CLDN10: variants seen among roughly 807,000 people sequenced by gnomAD.
CLDN10 encodes claudin 10.
Under a neutral mutation model 22.9 loss-of-function variants are expected in CLDN10, and 15 were observed. The ratio of observed to expected loss-of-function variants is 0.65; its 90% confidence interval spans 0.44 to 1.01. The LOEUF (loss-of-function observed/expected upper bound fraction) is 1.01, where lower values mean the gene tolerates loss of function less well. Among genes scored for constraint, CLDN10 ranks in the 50% least tolerant of loss-of-function variants. The pLI is 0.00. For missense variants in CLDN10, 247 were observed against 287.8 expected, an observed-to-expected ratio of 0.86 and a Z score of 1.03; for synonymous variants, 114 against 111.4, an observed-to-expected ratio of 1.02 and a Z score of -0.15.
In CLDN10 at chr13:95,560,311, T is replaced by A; in HGVS notation, c.382+18T>A. The A allele has an allele frequency of 1.2e-6, 2 of 1,613,856 alleles. No individual in the cohort carries two copies. Among genetic ancestry groups the A allele is most frequent in the Non-Finnish European group, 1.7e-6 (2 of 1,179,740 alleles). ...ACTGTCAGGTAAATAGTAACTTTCT[T>A]CCAAACAAGGTACTTGATGATGTTA... is the stretch of plus-strand genomic sequence containing the variant. On this transcript the variant is annotated intron_variant, in intron 2 of 4. Transcript: ENST00000299339.
At chr13:95,532,294 T>C (rs1447483105) in intron 1 of CLDN10, among the ~76,000 whole-genome samples, 1 of 152,070 alleles carries the variant, frequency 6.6e-6, no homozygotes, top group Non-Finnish European at 1.5e-5. Context: ...AAACAGCTCT[T>C]ACAAAAACAA....
chr13:95,505,749 C>CTTTTTTTTTTTT (rs34828390), intron 1 of CLDN10, among the ~76,000 whole-genome samples: 2 of 103,738 alleles, frequency 1.9e-5, no homozygotes, highest in Admixed American at 2.3e-4. Flanking sequence ...CCTTCCCTTT[C>CTTTTTTTTTTTT]TTTTTTTTTT....
chr13:95,534,617 A>G (rs2043380861), intron 1 of CLDN10, among the ~76,000 whole-genome samples: 1 of 152,192 alleles, frequency 6.6e-6, no homozygotes, highest in Admixed American at 6.5e-5. Flanking sequence ...ATTCACAGTG[A>G]TAGTTATAAT....
At chr13:95,573,901 T>C (rs2043892412) in intron 3 of CLDN10, among the ~76,000 whole-genome samples, 2 of 143,162 alleles carry the variant, frequency 1.4e-5, no homozygotes, top group African/African-American at 5.1e-5. Context: ...CCCCCGTGTG[T>C]GATGTTCCCC....
At chr13:95,523,403 C>T (rs1248607117) in intron 1 of CLDN10, among the ~76,000 whole-genome samples, 3 of 152,270 alleles carry the variant, frequency 2.0e-5, no homozygotes, top group Middle Eastern at 3.4e-3. Context: ...GTTACTGTTG[C>T]TTAATGTTAT....
intron 1 of CLDN10, among the ~76,000 whole-genome samples, chr13:95,489,992 T>C (rs2042853598): frequency 6.6e-6 from 1 of 152,232 alleles, no homozygotes; most frequent in Non-Finnish European, 1.5e-5. Context: ...CCCCAGTTTA[T>C]GATTTTGTTT....
intron 1 of CLDN10, among the ~76,000 whole-genome samples, chr13:95,443,698 G>C (rs1296738460): frequency 6.6e-6 from 1 of 152,162 alleles, no homozygotes; most frequent in South Asian, 2.1e-4. Context: ...TGCCACCCTG[G>C]GGTGATTAGG....
chr13:95,504,103 T>G (rs745569080), intron 1 of CLDN10, among the ~76,000 whole-genome samples: 14 of 151,862 alleles, frequency 9.2e-5, no homozygotes, highest in Admixed American at 1.3e-4. Flanking sequence ...TTGAAAAGAG[T>G]TTGAAGTAGA....
intron 1 of CLDN10, among the ~76,000 whole-genome samples, chr13:95,487,302 A>G (rs1377202640): frequency 5.3e-5 from 8 of 152,354 alleles, no homozygotes; most frequent in Admixed American, 6.5e-5. Flanking sequence ...AGAGAACTTT[A>G]CACTGATATA....
At chr13:95,548,657 A>G (rs948488632), upstream of CLDN10, among the ~76,000 whole-genome samples, 2 of 152,230 alleles carry the variant, frequency 1.3e-5, no homozygotes, top group African/African-American at 2.4e-5. Flanking sequence ...GGAAGGAAAA[A>G]GAACACAGAT....
intron 1 of CLDN10, among the ~76,000 whole-genome samples, chr13:95,556,598 C>T (rs2043642801): frequency 6.6e-6 from 1 of 152,124 alleles, no homozygotes; most frequent in Admixed American, 6.5e-5. Flanking sequence ...TGCTGCCATC[C>T]CTGTTTTACA....
chr13:95,540,048 C>T (rs746323452), intron 1 of CLDN10, among the ~76,000 whole-genome samples: 101 of 149,986 alleles, frequency 6.7e-4, no homozygotes, highest in Admixed American at 2.1e-3. Flanking sequence ...GCCTGTAATT[C>T]CAGCACTTTG....
intron 1 of CLDN10, among the ~76,000 whole-genome samples, chr13:95,448,849 C>T (rs1221071922): frequency 2.0e-5 from 3 of 151,456 alleles, no homozygotes; most frequent in Non-Finnish European, 2.9e-5. Context: ...AAGTGATTCT[C>T]GGTCCTCAGC....
intron 1 of CLDN10, among the ~76,000 whole-genome samples, chr13:95,448,395 C>T (rs2042401321): frequency 6.6e-6 from 1 of 152,186 alleles, no homozygotes; most frequent in Non-Finnish European, 1.5e-5. Context: ...CCAAATACAA[C>T]AATGCAAGCT....
chr13:95,565,140 A>AC (rs1485261998), intron 3 of CLDN10, among the ~76,000 whole-genome samples: 1 of 151,958 alleles, frequency 6.6e-6, no homozygotes, highest in Non-Finnish European at 1.5e-5. Flanking sequence ...GAAAAAAAAA[A>AC]AATCTCCTGC....
chr13:95,577,752 C>G, intron 4 of CLDN10, 148 bp from the exon 5 acceptor site: 1 of 565,844 alleles, frequency 1.8e-6, no homozygotes, highest in Admixed American at 3.4e-5. Flanking sequence ...GAAAATACTT[C>G]TTGGGGCAAG....
Position 95,514,501 on chromosome 13 carries a change from C to T in CLDN10, c.215-45631C>T, listed in dbSNP as rs1031851588. 1.0e-4 allele frequency among the ~76,000 whole-genome samples: 15 copies of T among 149,752 alleles called. No individual in the cohort carries two copies. The East Asian group carries it at 2.8e-3, about 28-fold the overall frequency. ...CTTTTATGTAGAGGGTGGGTGATAC[C>T]CTTTCTATGGAGATAATATTTAAAC... On this transcript the variant is annotated intron_variant, in intron 1 of 4. Transcript: ENST00000376873.
intron 1 of CLDN10, among the ~76,000 whole-genome samples, chr13:95,544,331 G>T (rs1264142640): frequency 6.6e-6 from 1 of 152,178 alleles, no homozygotes; most frequent in East Asian, 1.9e-4. Flanking sequence ...ATGGTGTTTT[G>T]ATTGGAAATA....
chr13:95,570,858 GTATATATA>G (rs55861640), intron 3 of CLDN10, among the ~76,000 whole-genome samples: 52 of 119,716 alleles, frequency 4.3e-4, no homozygotes, highest in African/African-American at 1.2e-3. Flanking sequence ...ATATACGTGT[GTATATATA>G]TATATATATA....
Sources: allele counts gnomAD v4.1 joint callset (sites outside exome capture counted in the v4.1 genomes callset), GRCh38; gene constraint gnomAD v4.1.1; transcripts MANE v1.5; gene names NCBI Gene and HGNC (gene_info 2026-07-23, HGNC 2026-07-21).